The following HEPH variants were observed in gnomAD, a reference collection of about 807,000 sequenced individuals.
HEPH encodes hephaestin.
HEPH carries 69 observed loss-of-function variants against 80.8 expected under a neutral mutation model. The observed-to-expected ratio is 0.85, with a 90% CI of 0.70 to 1.04. The LOEUF is 1.04. HEPH is among the 50% of genes least tolerant of loss of function. HEPH has a pLI of 0.00. For missense variants in HEPH, 1,115 were observed against 891.3 expected, an observed-to-expected ratio of 1.25 and a Z score of -3.20; for synonymous variants, 431 against 322.8, an observed-to-expected ratio of 1.34 and a Z score of -3.60.
intron 16 of HEPH, 116 bp from the exon 17 acceptor site, chrX:66,255,989 T>G: frequency 2.1e-6 from 1 of 476,961 alleles, no homozygotes; most frequent in Non-Finnish European, 3.6e-6. Context: ...TAAGATATCA[T>G]GAGGAAATGC....
intron 4 of HEPH, among the ~76,000 whole-genome samples, chrX:66,183,490 G>A (rs1179738778): frequency 3.0e-4 from 8 of 26,871 alleles, no homozygotes; most frequent in Non-Finnish European, 9.8e-5. Context: ...TATTTGCGTA[G>A]AGGTGTTTAT....
chrX:66,261,720 T>G (rs1295415493), intron 19 of HEPH, among the ~76,000 whole-genome samples: 2 of 111,563 alleles, frequency 1.8e-5, no homozygotes, highest in Non-Finnish European at 3.8e-5. Context: ...TGTTTACCCT[T>G]AGAGAGAGAG....
chrX:66,216,479 A>G (rs1202722329), intron 15 of HEPH, among the ~76,000 whole-genome samples: 1 of 111,869 alleles, frequency 8.9e-6, no homozygotes, highest in Non-Finnish European at 1.9e-5. Flanking sequence ...TGGATCCAGA[A>G]GAGAAATAAC....
At chrX:66,267,477 A>T (rs976710057), downstream of HEPH, 4 of 112,010 alleles carry the variant, frequency 3.6e-5, no homozygotes, top group African/African-American at 1.3e-4. Context: ...TGAGTATAGT[A>T]TGTATTTGTC....
intron 2 of HEPH, among the ~76,000 whole-genome samples, chrX:66,171,593 C>A (rs886672769): frequency 9.8e-5 from 11 of 111,737 alleles, no homozygotes; most frequent in African/African-American, 3.6e-4. Context: ...TCTCTGAGTT[C>A]TCTGAGAAGA....
At chrX:66,247,218 A>G (rs2090845387) in intron 15 of HEPH, among the ~76,000 whole-genome samples, 1 of 109,565 alleles carries the variant, frequency 9.1e-6, no homozygotes, top group Non-Finnish European at 1.9e-5. Context: ...GTTTTGTCAA[A>G]TGTGAGACAT....
At chrX:66,174,288 A>G (rs991499997) in intron 4 of HEPH, among the ~76,000 whole-genome samples, 1 of 111,216 alleles carries the variant, frequency 9.0e-6, no homozygotes, top group East Asian at 2.8e-4. Context: ...GAGTTACTTC[A>G]CTTAGAATAA....
chrX:66,223,982 A>T (rs1245094730), intron 15 of HEPH, among the ~76,000 whole-genome samples: 1 of 111,386 alleles, frequency 9.0e-6, no homozygotes, highest in Non-Finnish European at 1.9e-5. Flanking sequence ...TTTCTGACTT[A>T]TTACAAACAT....
rs756666206 is a variant in HEPH at position 66,201,830 on chromosome X, G to A, written c.2077+1078G>A. Reference sequence around the variant, plus strand: ...CTCTGTGAGAGAAGCTTGTGGCTTGGACTCGGGAAGTGGCAGTTTAAACGA... The same window carrying A: ...CTCTGTGAGAGAAGCTTGTGGCTTGAACTCGGGAAGTGGCAGTTTAAACGA... On this transcript the variant is annotated intron_variant, in intron 12 of 20. Transcript: ENST00000343002. Among the ~76,000 whole-genome samples the A allele has an allele frequency of 8.0e-5, 9 of 112,283 alleles. No individual in the cohort carries two copies. In the South Asian group the frequency reaches 3.4e-3, roughly 42 times the overall value.
At chrX:66,206,033 C>T (rs186670882) in intron 13 of HEPH, among the ~76,000 whole-genome samples, 4 of 110,998 alleles carry the variant, frequency 3.6e-5, no homozygotes, top group Admixed American at 1.9e-4. Context: ...CACCTACCTA[C>T]CCCATAGGCC....
chrX:66,170,367 C>T, intron 1 of HEPH, 191 bp from the exon 2 acceptor site: 1 of 391,922 alleles, frequency 2.6e-6, no homozygotes, highest in Non-Finnish European at 4.4e-6. Flanking sequence ...TTTAACTATG[C>T]CCTTCAAAAT....
chrX:66,228,854 A>C (rs2090000623), intron 15 of HEPH, among the ~76,000 whole-genome samples: 1 of 111,719 alleles, frequency 9.0e-6, no homozygotes, highest in African/African-American at 3.3e-5. Context: ...AAGAATGGCC[A>C]TAGTCAAAAA....
At chrX:66,237,920 T>C (rs1052453835) in intron 15 of HEPH, among the ~76,000 whole-genome samples, 6 of 112,339 alleles carry the variant, frequency 5.3e-5, no homozygotes, top group Non-Finnish European at 1.1e-4. Context: ...GTCTGTTTTG[T>C]CAGAAACTTG....
At chrX:66,208,281 A>G in intron 15 of HEPH, 35 bp downstream of exon 15, 1 of 1,177,244 alleles carries the variant, frequency 8.5e-7, no homozygotes, top group Non-Finnish European at 1.1e-6. Context: ...AACAAAGGAC[A>G]TGCATCACGT....
At chrX:66,175,905 A>G (rs1230706729) in intron 4 of HEPH, among the ~76,000 whole-genome samples, 1 of 111,811 alleles carries the variant, frequency 8.9e-6, no homozygotes, top group East Asian at 2.8e-4. Context: ...CAGTTCTAGA[A>G]GCTTTCTGGA....
intron 4 of HEPH, among the ~76,000 whole-genome samples, chrX:66,179,726 G>C (rs1171890753): frequency 9.0e-6 from 1 of 110,837 alleles, no homozygotes; most frequent in Non-Finnish European, 1.9e-5. Flanking sequence ...GCATTTCTTA[G>C]GTCTATTAGT....
At position 66,211,667 on chromosome X, in the gene HEPH, G is replaced by T. The variant is rs909135390; in HGVS notation, c.2563+3421G>T. Among the ~76,000 whole-genome samples the T allele has an allele frequency of 2.7e-5, 3 of 111,474 alleles. No homozygotes were observed. The South Asian group carries it at 1.1e-3, about 42-fold the overall frequency. On this transcript the variant is annotated intron_variant, in intron 15 of 20. Transcript: ENST00000343002. The stretch of plus-strand genomic sequence containing the variant: ...CCATCCATGTTGCTGCAGATTATAT[G>T]ATTTCATTCTTTTTTATGGCTGAAT...
In HEPH at chrX:66,164,450, G is replaced by C; in HGVS notation, c.-34G>C. 3 of 753,790 alleles carry C rather than the reference G, an allele frequency of 4.0e-6. No homozygotes were observed. The highest frequency in any genetic ancestry group is 4.7e-6 in the Non-Finnish European group (3 of 638,873). 62.1% of individuals were successfully genotyped at this position (753,790 alleles called of 1,213,427 possible). ...TTAATGGGCCGCTGACATGAATATG[G>C]AGTAGTTTTCTCTAGCAAAGGTAAG... On this transcript the variant is annotated 5_prime_UTR_variant, in exon 1 of 21. Coordinates refer to ENST00000343002, the MANE Select transcript of HEPH (RefSeq NM_001367233.3).
intron 6 of HEPH, among the ~76,000 whole-genome samples, chrX:66,191,580 A>G (rs1240846349): frequency 8.9e-6 from 1 of 111,942 alleles, no homozygotes; most frequent in African/African-American, 3.3e-5. Flanking sequence ...TGAAAACACT[A>G]CTTAGAATCT....
Sources: allele counts gnomAD v4.1 joint callset (sites outside exome capture counted in the v4.1 genomes callset), GRCh38; gene constraint gnomAD v4.1.1; transcripts MANE v1.5; gene names NCBI Gene and HGNC (gene_info 2026-07-23, HGNC 2026-07-21).